Variants in ZNF407 observed in about 807,000 individuals in gnomAD.
ZNF407 encodes the protein zinc finger protein 407.
Under a neutral mutation model 131.2 loss-of-function variants are expected in ZNF407, and 17 were observed. The ratio of observed to expected loss-of-function variants is 0.13; its 90% CI spans 0.09 to 0.19. The LOEUF (loss-of-function observed/expected upper bound fraction) is 0.19. ZNF407 is among the 10% of genes least tolerant of loss of function. ZNF407 has a pLI of 1.00. For missense variants in ZNF407, 2,681 were observed against 2,830.6 expected, an observed-to-expected ratio of 0.95 and a Z score of 1.20; for synonymous variants, 1,156 against 1,062.0, an observed-to-expected ratio of 1.09 and a Z score of -1.72.
chr18:74,983,626 C>T (rs1315954764), intron 8 of ZNF407, among the ~76,000 whole-genome samples: 4 of 152,122 alleles, frequency 2.6e-5, no homozygotes, highest in Non-Finnish European at 5.9e-5. Context: ...AGGCCCAAAG[C>T]TAAACAAAAT....
At chr18:74,944,779 G>A (rs1972136496) in intron 8 of ZNF407, among the ~76,000 whole-genome samples, 2 of 152,212 alleles carry the variant, frequency 1.3e-5, no homozygotes, top group South Asian at 4.1e-4. Flanking sequence ...AATTAGCAGA[G>A]AAGGGGGGAA....
chr18:74,885,595 A>G (rs1971298171), intron 6 of ZNF407, among the ~76,000 whole-genome samples: 1 of 152,234 alleles, frequency 6.6e-6, no homozygotes, highest in African/African-American at 2.4e-5. Context: ...AGTTACAATA[A>G]TGAAATCCTT....
chr18:74,817,866 A>G (rs747280931), intron 4 of ZNF407, among the ~76,000 whole-genome samples: 9 of 152,126 alleles, frequency 5.9e-5, no homozygotes, highest in Non-Finnish European at 1.0e-4. Context: ...TTTTTTGTGG[A>G]CCATTTTAAA....
At chr18:74,900,850 A>C (rs564161088) in intron 7 of ZNF407, among the ~76,000 whole-genome samples, 1 of 152,222 alleles carries the variant, frequency 6.6e-6, no homozygotes, top group African/African-American at 2.4e-5. Context: ...TAAATTATAT[A>C]TTTTCTGTGT....
chr18:74,769,639 C>A (rs369545615), intron 3 of ZNF407, among the ~76,000 whole-genome samples: 1 of 152,146 alleles, frequency 6.6e-6, no homozygotes, highest in Non-Finnish European at 1.5e-5. Flanking sequence ...GATCTCATTT[C>A]GTCTCACATG....
At chr18:74,735,294 G>A (rs577011077) in intron 3 of ZNF407, among the ~76,000 whole-genome samples, 5 of 152,026 alleles carry the variant, frequency 3.3e-5, no homozygotes, top group South Asian at 2.1e-4. Context: ...GTTTTTCCAC[G>A]CCTAGTAGCT....
intron 1 of ZNF407, among the ~76,000 whole-genome samples, chr18:74,615,736 T>A (rs1983257670): frequency 6.6e-6 from 1 of 152,226 alleles, no homozygotes; most frequent in South Asian, 2.1e-4. Flanking sequence ...TTAGGACATT[T>A]TATGAGACTG....
At chr18:74,868,568 A>T (rs1971044335) in intron 4 of ZNF407, among the ~76,000 whole-genome samples, 2 of 152,214 alleles carry the variant, frequency 1.3e-5, no homozygotes, top group Middle Eastern at 3.2e-3. Context: ...AAAATTGTGC[A>T]ACTTGATTGC....
chr18:74,839,033 T>C (rs1970596124), intron 4 of ZNF407, among the ~76,000 whole-genome samples: 1 of 152,218 alleles, frequency 6.6e-6, no homozygotes, highest in South Asian at 2.1e-4. Flanking sequence ...CATATATCTC[T>C]AAATACAGCT....
intron 4 of ZNF407, among the ~76,000 whole-genome samples, chr18:74,868,180 T>C (rs986399238): frequency 1.3e-5 from 2 of 152,200 alleles, no homozygotes; most frequent in African/African-American, 4.8e-5. Context: ...TTTTGTATCA[T>C]GTGTAGGTAT....
At chr18:75,050,216 T>C (rs35707281) in intron 8 of ZNF407, among the ~76,000 whole-genome samples, 74 of 152,140 alleles carry the variant, frequency 4.9e-4, no homozygotes, top group Non-Finnish European at 7.6e-4. Context: ...TATATTACTG[T>C]TAATATATTG....
intron 7 of ZNF407, among the ~76,000 whole-genome samples, chr18:74,915,410 TG>T (rs1465043357): frequency 6.8e-6 from 1 of 147,172 alleles, no homozygotes; most frequent in Non-Finnish European, 1.5e-5. Flanking sequence ...CAGGAGTGTG[TG>T]TGTGTGTGTG....
chr18:75,012,264 T>G (rs1045095815), intron 8 of ZNF407, among the ~76,000 whole-genome samples: 3 of 149,772 alleles, frequency 2.0e-5, no homozygotes, highest in Non-Finnish European at 4.5e-5. Context: ...GCTATACACA[T>G]AGTGTATGTA....
intron 3 of ZNF407, among the ~76,000 whole-genome samples, chr18:74,715,101 G>T (rs1353836443): frequency 6.6e-6 from 1 of 152,060 alleles, no homozygotes; most frequent in East Asian, 1.9e-4. Flanking sequence ...CATCTTCCAC[G>T]TCCCGCTGCC....
At chr18:74,862,861 T>C (rs1970955743) in intron 4 of ZNF407, among the ~76,000 whole-genome samples, 1 of 152,026 alleles carries the variant, frequency 6.6e-6, no homozygotes. Context: ...TTATAGTAAT[T>C]AAAATGTGTT....
chr18:74,863,737 T>C (rs1252707062), intron 4 of ZNF407, among the ~76,000 whole-genome samples: 1 of 152,198 alleles, frequency 6.6e-6, no homozygotes, highest in Non-Finnish European at 1.5e-5. Context: ...CTCACAATTT[T>C]AGATGAGACT....
At chr18:74,684,006 A>G (rs1967042567) in intron 3 of ZNF407, among the ~76,000 whole-genome samples, 1 of 152,204 alleles carries the variant, frequency 6.6e-6, no homozygotes, top group South Asian at 2.1e-4. Flanking sequence ...TTTGTAGTGA[A>G]AATCATAGAA....
At chr18:74,871,103 G>T (rs1971080459) in intron 4 of ZNF407, among the ~76,000 whole-genome samples, 1 of 152,118 alleles carries the variant, frequency 6.6e-6, no homozygotes, top group Admixed American at 6.5e-5. Context: ...GGTCTTTTGG[G>T]ACACTTTCTA....
chr18:75,051,612 G>C (rs1005441582), intron 8 of ZNF407, among the ~76,000 whole-genome samples: 12 of 152,216 alleles, frequency 7.9e-5, no homozygotes, highest in Non-Finnish European at 1.8e-4. Context: ...CTAGAGAAGA[G>C]AGAATTGATA....
Sources: allele counts gnomAD v4.1 joint callset (sites outside exome capture counted in the v4.1 genomes callset), GRCh38; gene constraint gnomAD v4.1.1; transcripts MANE v1.5; gene names NCBI Gene and HGNC (gene_info 2026-07-23, HGNC 2026-07-21).